The following ENOX1 variants were observed in gnomAD, a reference collection of about 807,000 sequenced individuals.
ENOX1 encodes the protein candidate growth-related and time keeping constitutive hydroquinone (NADH) oxidase.
Under a neutral mutation model 82.5 loss-of-function variants are expected in ENOX1, and 42 were observed. The ratio of observed to expected loss-of-function variants is 0.51; its 90% CI spans 0.40 to 0.66. The LOEUF is 0.66. Among genes scored for constraint, ENOX1 ranks in the 30% least tolerant of loss-of-function variants. The pLI is 0.00. For synonymous variants in ENOX1, 271 were observed against 282.2 expected (o/e 0.96, Z 0.40); for missense variants, 608 against 811.6 (o/e 0.75, Z 3.05).
intron 9 of ENOX1, among the ~76,000 whole-genome samples, chr13:43,329,119 G>C (rs2048281964): frequency 6.6e-6 from 1 of 152,226 alleles, no homozygotes. Flanking sequence ...TGGCAGAGAA[G>C]GCAGGAGTGG....
chr13:43,577,164 C>T (rs1322277368), intron 2 of ENOX1, among the ~76,000 whole-genome samples: 1 of 151,582 alleles, frequency 6.6e-6, no homozygotes, highest in Non-Finnish European at 1.5e-5. Context: ...CAGAGTCTCG[C>T]TCAGTCGCCC....
intron 3 of ENOX1, among the ~76,000 whole-genome samples, chr13:43,467,940 T>C (rs992955247): frequency 7.3e-5 from 11 of 151,686 alleles, no homozygotes; most frequent in African/African-American, 2.7e-4. Context: ...TTCCATTGAA[T>C]TGCTCTGGAA....
chr13:43,417,305 T>A (rs1023907885), intron 3 of ENOX1, among the ~76,000 whole-genome samples: 1 of 151,050 alleles, frequency 6.6e-6, no homozygotes, highest in Middle Eastern at 3.4e-3. Context: ...CAACTTACTG[T>A]GGCTACCATG....
At chr13:43,332,863 C>T (rs184672304) in intron 9 of ENOX1, among the ~76,000 whole-genome samples, 10 of 151,216 alleles carry the variant, frequency 6.6e-5, no homozygotes, top group African/African-American at 1.5e-4. Flanking sequence ...AAAAAAGGGA[C>T]GATATAAAAA....
chr13:43,606,005 T>C (rs570169062), intron 2 of ENOX1, among the ~76,000 whole-genome samples: 3 of 152,078 alleles, frequency 2.0e-5, no homozygotes, highest in African/African-American at 7.2e-5. Flanking sequence ...AAGATCTGAA[T>C]AGACACTTCT....
chr13:43,624,865 C>T (rs2082897510), intron 2 of ENOX1, among the ~76,000 whole-genome samples: 1 of 152,012 alleles, frequency 6.6e-6, no homozygotes, highest in South Asian at 2.1e-4. Flanking sequence ...TCAAAATATT[C>T]CAGTTCCTTT....
intron 1 of ENOX1, among the ~76,000 whole-genome samples, chr13:43,740,553 T>A (rs951617294): frequency 1.3e-5 from 2 of 152,124 alleles, no homozygotes; most frequent in African/African-American, 4.8e-5. Flanking sequence ...CTCGTGGGGT[T>A]TTTTGTACAG....
chr13:43,772,458 C>A (rs1328441422), intron 1 of ENOX1, among the ~76,000 whole-genome samples: 1 of 152,090 alleles, frequency 6.6e-6, no homozygotes, highest in East Asian at 1.9e-4. Context: ...CTGTTGGCAG[C>A]CTTCAATCCT....
chr13:43,597,296 G>T (rs1481130572), intron 2 of ENOX1, among the ~76,000 whole-genome samples: 1 of 152,178 alleles, frequency 6.6e-6, no homozygotes, highest in African/African-American at 2.4e-5. Flanking sequence ...AGAGCCAAAT[G>T]ATATCATGGA....
At chr13:43,556,280 T>G (rs1402529351) in intron 2 of ENOX1, among the ~76,000 whole-genome samples, 1 of 151,998 alleles carries the variant, frequency 6.6e-6, no homozygotes, top group Non-Finnish European at 1.5e-5. Context: ...TTTTCTAATA[T>G]GTAGTAAAAG....
At chr13:43,678,559 T>C (rs2085627780) in intron 1 of ENOX1, among the ~76,000 whole-genome samples, 1 of 152,172 alleles carries the variant, frequency 6.6e-6, no homozygotes, top group Non-Finnish European at 1.5e-5. Context: ...GCCACTTCCA[T>C]CAGGCACAAT....
intron 11 of ENOX1, among the ~76,000 whole-genome samples, chr13:43,309,162 C>T (rs555209091): frequency 6.6e-6 from 1 of 151,972 alleles, no homozygotes; most frequent in African/African-American, 2.4e-5. Context: ...GCTGGGATTA[C>T]AGGTGTGTGC....
intron 14 of ENOX1, among the ~76,000 whole-genome samples, chr13:43,257,481 TAAAG>T (rs962446217): frequency 5.9e-5 from 9 of 152,146 alleles, no homozygotes; most frequent in African/African-American, 1.9e-4. Context: ...TCATTATTGA[TAAAG>T]AAAAATGTAG....
At chr13:43,242,858 G>A (rs965401431) in intron 14 of ENOX1, among the ~76,000 whole-genome samples, 3 of 152,140 alleles carry the variant, frequency 2.0e-5, no homozygotes, top group Non-Finnish European at 2.9e-5. Context: ...TCCTTAGGCC[G>A]GGTGCAGTGG....
intron 9 of ENOX1, among the ~76,000 whole-genome samples, chr13:43,342,560 T>C (rs1348344614): frequency 6.6e-6 from 1 of 152,090 alleles, no homozygotes; most frequent in Non-Finnish European, 1.5e-5. Context: ...GCCCCACCCC[T>C]TCATTCACTC....
At chr13:43,616,055 CGT>C (rs1267708337) in intron 2 of ENOX1, among the ~76,000 whole-genome samples, 2 of 90,192 alleles carry the variant, frequency 2.2e-5, no homozygotes, top group African/African-American at 7.6e-5. Context: ...AATAAACATA[CGT>C]GTGCTTGTGT....
At chr13:43,630,886 CATAT>C (rs1174933811) in intron 2 of ENOX1, among the ~76,000 whole-genome samples, 1 of 141,772 alleles carries the variant, frequency 7.1e-6, no homozygotes, top group Non-Finnish European at 1.6e-5. Flanking sequence ...TATATATACA[CATAT>C]ATATACACGC....
intron 2 of ENOX1, among the ~76,000 whole-genome samples, chr13:43,635,707 G>C (rs17460798): frequency 0.017 from 2,539 of 152,202 alleles, 34 homozygotes; most frequent in Non-Finnish European, 0.025. Flanking sequence ...AGGCAGGAAA[G>C]GAAGGGCCAC....
chr13:43,321,154 T>C, intron 11 of ENOX1: 1 of 456,278 alleles, frequency 2.2e-6, no homozygotes, highest in South Asian at 1.5e-5. Flanking sequence ...TCTAAGGCAG[T>C]GGTTCTCAAA....
Sources: allele counts gnomAD v4.1 joint callset (sites outside exome capture counted in the v4.1 genomes callset), GRCh38; gene constraint gnomAD v4.1.1; transcripts MANE v1.5; gene names NCBI Gene and HGNC (gene_info 2026-07-23, HGNC 2026-07-21).